The following DTHD1 variants were observed in gnomAD, a reference collection of about 807,000 sequenced individuals.
The protein encoded by DTHD1 is death domain-containing protein 1.
In DTHD1, 59 loss-of-function variants were observed where a neutral mutation model predicts 74.8. That is an observed-to-expected ratio of 0.79 (90% CI 0.64 to 0.98). The LOEUF is 0.98. Ranked by LOEUF, DTHD1 falls within the 50% of genes least tolerant of loss-of-function variation. The pLI is 0.00. For synonymous variants in DTHD1, 365 were observed against 371.1 expected (o/e 0.98, Z 0.19); for missense variants, 1,051 against 1,065.4 (o/e 0.99, Z 0.19).
chr4:36,313,005 A>G (rs138556109), intron 7 of DTHD1, among the ~76,000 whole-genome samples: 70 of 152,348 alleles, frequency 4.6e-4, no homozygotes, highest in African/African-American at 1.5e-3. Context: ...AATGGGTTAC[A>G]ATATAGAAAT....
chr4:36,327,181 G>C (rs1383087563), intron 8 of DTHD1, among the ~76,000 whole-genome samples: 3 of 152,010 alleles, frequency 2.0e-5, no homozygotes, highest in Non-Finnish European at 4.4e-5. Context: ...TGGTCAGACT[G>C]GTCTCGAACT....
intron 5 of DTHD1, among the ~76,000 whole-genome samples, chr4:36,301,405 A>G (rs1756763122): frequency 6.6e-6 from 1 of 152,184 alleles, no homozygotes; most frequent in Admixed American, 6.5e-5. Context: ...CTCATATCTT[A>G]GGATATAAAA....
At chr4:36,301,197 T>C (rs985457098) in intron 5 of DTHD1, among the ~76,000 whole-genome samples, 3 of 152,210 alleles carry the variant, frequency 2.0e-5, no homozygotes, top group African/African-American at 7.2e-5. Flanking sequence ...CTGGAAGGTA[T>C]ATCTATTGCT....
chr4:36,314,430 T>C (rs1757579037), intron 7 of DTHD1, among the ~76,000 whole-genome samples: 1 of 147,672 alleles, frequency 6.8e-6, no homozygotes, highest in African/African-American at 2.5e-5. Context: ...CCCAGCACTT[T>C]GGGAGGCCAA....
intron 8 of DTHD1, chr4:36,332,826 T>C (rs1224613891): frequency 6.6e-6 from 1 of 152,196 alleles, no homozygotes; most frequent in East Asian, 1.9e-4. Flanking sequence ...TTTCTTTTTT[T>C]TTAATGAAAG....
chr4:36,339,611 T>C (rs978109586), intron 9 of DTHD1, among the ~76,000 whole-genome samples: 1 of 152,230 alleles, frequency 6.6e-6, no homozygotes, highest in Non-Finnish European at 1.5e-5. Flanking sequence ...GTTATCATTA[T>C]GCATAATTCA....
At chr4:36,341,398 G>T (rs977027421) in intron 9 of DTHD1, among the ~76,000 whole-genome samples, 13 of 152,138 alleles carry the variant, frequency 8.5e-5, no homozygotes, top group African/African-American at 3.1e-4. Flanking sequence ...AAGTAATTTT[G>T]AAATGAAAAC....
intron 6 of DTHD1, among the ~76,000 whole-genome samples, chr4:36,306,605 A>C (rs1235982616): frequency 6.6e-6 from 1 of 152,222 alleles, no homozygotes; most frequent in Non-Finnish European, 1.5e-5. Context: ...AAATAGTTTT[A>C]AAATAGCACC....
intron 7 of DTHD1, among the ~76,000 whole-genome samples, chr4:36,312,036 C>A (rs1259552823): frequency 6.6e-6 from 1 of 152,102 alleles, no homozygotes; most frequent in South Asian, 2.1e-4. Flanking sequence ...TGGATAGGTG[C>A]GTCCTTTGGT....
chr4:36,315,637 C>T (rs17458763), intron 7 of DTHD1: 5,425 of 152,236 alleles, frequency 0.036, 152 homozygotes, highest in South Asian at 0.14. Context: ...TAATTCTCAA[C>T]GGGTGAAAAT....
chr4:36,342,207 A>G (rs945521467), intron 9 of DTHD1, among the ~76,000 whole-genome samples: 1 of 152,232 alleles, frequency 6.6e-6, no homozygotes, highest in Non-Finnish European at 1.5e-5. Flanking sequence ...AAATGAATGC[A>G]CTGCATGGAG....
chr4:36,294,891 C>A lies in DTHD1; in HGVS notation c.1495C>A (p.His499Asn). 6.4e-7 allele frequency: 1 copy of A among 1,551,934 alleles called. No individual in the cohort carries two copies. Among genetic ancestry groups the A allele is most frequent in the Non-Finnish European group, 8.7e-7 (1 of 1,146,802 alleles). Residue 499 changes from histidine to asparagine, a missense_variant, in exon 5 of 10, where the codon CAC becomes AAC. Coordinates refer to ENST00000639862, the MANE Select transcript of DTHD1 (RefSeq NM_001170700.3). ...QSTSPLIHIQ[H>N]PSTYPFQKPV... is the part of the protein sequence containing the mutation. ...CACAAGCCCTCTGATTCACATTCAG[C>A]ACCCATCAACTTATCCTTTTCAGAA...
At chr4:36,297,761 T>C (rs1756520070) in intron 5 of DTHD1, among the ~76,000 whole-genome samples, 1 of 152,070 alleles carries the variant, frequency 6.6e-6, no homozygotes, top group African/African-American at 2.4e-5. Flanking sequence ...CACGTGTGCA[T>C]GGGTGGGGTT....
At chr4:36,325,002 G>C (rs1758259387) in intron 8 of DTHD1, among the ~76,000 whole-genome samples, 1 of 152,134 alleles carries the variant, frequency 6.6e-6, no homozygotes, top group Non-Finnish European at 1.5e-5. Context: ...GGCATGAGTA[G>C]AAACTTTGAA....
chr4:36,321,729 T>G (rs948073434), intron 8 of DTHD1, among the ~76,000 whole-genome samples: 1 of 152,232 alleles, frequency 6.6e-6, no homozygotes, highest in Non-Finnish European at 1.5e-5. Context: ...AGTTGGGGAC[T>G]ACTGCCTTAA....
intron 8 of DTHD1, among the ~76,000 whole-genome samples, chr4:36,318,130 A>C (rs956637833): frequency 6.6e-6 from 1 of 152,224 alleles, no homozygotes; most frequent in African/African-American, 2.4e-5. Context: ...AGGCACAGAA[A>C]TTTTAGGCAA....
chr4:36,343,458 C>A, intron 9 of DTHD1, 44 bp from the exon 10 acceptor site: 3 of 1,514,594 alleles, frequency 2.0e-6, no homozygotes, highest in South Asian at 1.3e-5. Context: ...ATGCATCCCC[C>A]AGGAGAGGGT....
At chr4:36,286,860 T>C (rs1347329484) in intron 2 of DTHD1, among the ~76,000 whole-genome samples, 1 of 152,232 alleles carries the variant, frequency 6.6e-6, no homozygotes, top group Non-Finnish European at 1.5e-5. Flanking sequence ...ACAGCAATAA[T>C]ACAGTATTAT....
At chr4:36,309,715 C>T (rs1319760815) in intron 7 of DTHD1, among the ~76,000 whole-genome samples, 1 of 152,122 alleles carries the variant, frequency 6.6e-6, no homozygotes, top group Non-Finnish European at 1.5e-5. Context: ...TAAACACTGA[C>T]ACCAGTAATG....
Sources: gnomAD v4.1 joint callset for allele counts (sites outside exome capture counted in the v4.1 genomes callset) on GRCh38, gnomAD v4.1.1 for gene constraint, MANE v1.5 for transcripts, NCBI Gene and HGNC (gene_info 2026-07-23, HGNC 2026-07-21) for gene names.